The following MSRA variants were observed in gnomAD, a reference collection of about 807,000 sequenced individuals.
MSRA encodes mitochondrial peptide methionine sulfoxide reductase.
Under a neutral mutation model 31.3 loss-of-function variants are expected in MSRA, and 54 were observed. The observed-to-expected ratio is 1.73, with a 90% confidence interval of 1.39 to 2.17. The LOEUF is 2.17. Among genes scored for constraint, MSRA ranks in the 30% most tolerant of loss-of-function variants. The pLI is 0.00. For synonymous variants in MSRA, 169 were observed against 116.5 expected, an observed-to-expected ratio of 1.45 and a Z score of -2.90; for missense variants, 507 against 300.9, an observed-to-expected ratio of 1.69 and a Z score of -5.07.
chr8:10,059,818 G>C lies in MSRA; in HGVS notation c.142+5160G>C, dbSNP rs1006524277. On this transcript the variant is annotated intron_variant, in intron 1 of 5. Transcript: ENST00000317173. ...ACCAACATCCATTGGCAAGGTAGAC[G>C]TTAGGTTATGAACAGACCGTTTACA... Among the ~76,000 whole-genome samples, 40 of 152,268 alleles carry C rather than the reference G, an allele frequency of 2.6e-4. 1 individual carries two copies. The highest frequency in any genetic ancestry group is 9.6e-4 in the African/African-American group (40 of 41,554).
At chr8:10,179,096 A>G (rs1806317970) in intron 1 of MSRA, among the ~76,000 whole-genome samples, 1 of 152,172 alleles carries the variant, frequency 6.6e-6, no homozygotes, top group South Asian at 2.1e-4. Flanking sequence ...TTCACTGATG[A>G]CTATGGTGAG....
intron 2 of MSRA, among the ~76,000 whole-genome samples, chr8:10,208,527 G>A (rs567333795): frequency 1.7e-4 from 26 of 152,170 alleles, no homozygotes; most frequent in African/African-American, 6.3e-4. Context: ...ACTTCCTTCA[G>A]AATATCTCTG....
At position 10,339,473 on chromosome 8, in the gene MSRA, G is replaced by A. The variant is rs564949793; in HGVS notation, c.543+19484G>A. 6.0e-5 allele frequency among the ~76,000 whole-genome samples: 9 copies of A among 151,004 alleles called. No homozygotes were observed. In the South Asian group the frequency reaches 8.4e-4, roughly 14 times the overall value. ...GAATTCAGTGTCTGTCCTGTTCTTC[G>A]TGGTCAGGATTTTTGTGTTTGTTTT... On this transcript the variant is annotated intron_variant, in intron 5 of 5. Coordinates refer to ENST00000317173, the MANE Select transcript of MSRA (RefSeq NM_012331.5).
At chr8:10,384,111 C>G (rs1010711170) in intron 5 of MSRA, among the ~76,000 whole-genome samples, 1 of 152,124 alleles carries the variant, frequency 6.6e-6, no homozygotes, top group African/African-American at 2.4e-5. Flanking sequence ...AGCTATGTGC[C>G]CAGAGCTTGT....
intron 1 of MSRA, among the ~76,000 whole-genome samples, chr8:10,183,624 G>A (rs1010771492): frequency 1.3e-5 from 2 of 152,156 alleles, no homozygotes; most frequent in Admixed American, 6.5e-5. Context: ...GAGACAGGCT[G>A]ATCTCTGGCT....
intron 1 of MSRA, among the ~76,000 whole-genome samples, chr8:10,149,768 G>A (rs1803497424): frequency 1.5e-5 from 1 of 65,168 alleles, no homozygotes; most frequent in South Asian, 5.1e-4. Flanking sequence ...ACAGTTGGCA[G>A]AAACCACAAA....
chr8:10,301,687 G>A, intron 4 of MSRA, 49 bp downstream of exon 4: 2 of 1,450,282 alleles, frequency 1.4e-6, no homozygotes, highest in African/African-American at 1.4e-5. Context: ...AATTACAGCT[G>A]GGATAATTAG....
At chr8:10,256,638 G>T (rs965672354) in intron 3 of MSRA, among the ~76,000 whole-genome samples, 1 of 152,070 alleles carries the variant, frequency 6.6e-6, no homozygotes, top group Non-Finnish European at 1.5e-5. Flanking sequence ...GAATTCAGAC[G>T]GCACCTCTGT....
At chr8:10,152,681 C>G (rs979132254) in intron 1 of MSRA, among the ~76,000 whole-genome samples, 4 of 152,048 alleles carry the variant, frequency 2.6e-5, no homozygotes, top group African/African-American at 9.7e-5. Context: ...GAAGCGCTGC[C>G]CATTCTGAAG....
rs1800239684 is a variant in MSRA, at chr8:10,291,587, C to G, written c.332-9947C>G. Among the ~76,000 whole-genome samples, 5 of 152,126 alleles carry G rather than the reference C, an allele frequency of 3.3e-5. No individual in the cohort carries two copies. In the South Asian group the frequency reaches 1.0e-3, roughly 32 times the overall value. On this transcript the variant is annotated intron_variant, in intron 3 of 5. Coordinates refer to ENST00000317173, the MANE Select transcript of MSRA (RefSeq NM_012331.5). ...GCTGGAGATGAAACCGAGCTGACAT[C>G]TTACCTCTTTGTAGTTAATTAGCAA... is the stretch of plus-strand genomic sequence containing the variant.
intron 1 of MSRA, among the ~76,000 whole-genome samples, chr8:10,152,715 C>T (rs769729491): frequency 1.3e-5 from 2 of 152,284 alleles, no homozygotes; most frequent in South Asian, 4.1e-4. Context: ...ATGAGTAACG[C>T]ACACTTCATG....
chr8:10,333,492 C>T (rs1032756962), intron 5 of MSRA, among the ~76,000 whole-genome samples: 1 of 152,120 alleles, frequency 6.6e-6, no homozygotes, highest in African/African-American at 2.4e-5. Context: ...GGGAGGTCCC[C>T]GATGACTTGG....
At chr8:10,094,439 A>G (rs1418638498) in intron 1 of MSRA, among the ~76,000 whole-genome samples, 3 of 152,368 alleles carry the variant, frequency 2.0e-5, no homozygotes, top group South Asian at 2.1e-4. Context: ...ACTAATTACT[A>G]TGCAATTAGG....
intron 1 of MSRA, among the ~76,000 whole-genome samples, chr8:10,161,654 C>T (rs1031008912): frequency 1.3e-5 from 2 of 152,022 alleles, no homozygotes; most frequent in South Asian, 2.1e-4. Flanking sequence ...GAAGTGAGAA[C>T]GTGGTGAGCT....
chr8:10,417,465 G>C (rs553932637), intron 5 of MSRA, among the ~76,000 whole-genome samples: 7 of 130,674 alleles, frequency 5.4e-5, no homozygotes, highest in African/African-American at 1.6e-4. Flanking sequence ...CTCCATGTAG[G>C]CTTAGTAAGC....
intron 3 of MSRA, among the ~76,000 whole-genome samples, chr8:10,289,679 C>G (rs1257771402): frequency 6.6e-6 from 1 of 152,172 alleles, no homozygotes; most frequent in Non-Finnish European, 1.5e-5. Context: ...GACTTGATTT[C>G]AAAGACCCCT....
At chr8:10,125,669 C>T (rs6985941) in intron 1 of MSRA, among the ~76,000 whole-genome samples, 47,206 of 152,102 alleles carry the variant, frequency 0.31, 8,331 homozygotes, top group Middle Eastern at 0.47. Context: ...GTTGGTACCA[C>T]AGTCAGCCGA....
intron 1 of MSRA, among the ~76,000 whole-genome samples, chr8:10,109,481 A>G (rs1800127099): frequency 6.6e-6 from 1 of 151,972 alleles, no homozygotes. Flanking sequence ...AGCTGGGGCA[A>G]CAGGCACGCA....
chr8:10,259,488 C>A (rs1371251424), intron 3 of MSRA, among the ~76,000 whole-genome samples: 3 of 152,026 alleles, frequency 2.0e-5, no homozygotes, highest in East Asian at 1.9e-4. Flanking sequence ...GTGACATTCT[C>A]CCATCTGGAG....
Sources: gnomAD v4.1 joint callset for allele counts (sites outside exome capture counted in the v4.1 genomes callset) on GRCh38, gnomAD v4.1.1 for gene constraint, MANE v1.5 for transcripts, NCBI Gene and HGNC (gene_info 2026-07-23, HGNC 2026-07-21) for gene names.